Variants in NR3C2 observed in about 807,000 individuals in gnomAD.
NR3C2 encodes nuclear receptor subfamily 3 group C member 2, also known as mineralocorticoid receptor.
NR3C2 carries 15 observed loss-of-function variants against 86.4 expected under a neutral mutation model. The observed-to-expected ratio is 0.17, with a 90% CI of 0.12 to 0.27. NR3C2 has a LOEUF of 0.27. NR3C2 is among the 10% of genes least tolerant of loss of function. The pLI is 1.00. For missense variants in NR3C2, 960 were observed against 1,195.6 expected (o/e 0.80, Z 2.91); for synonymous variants, 458 against 450.5 (o/e 1.02, Z -0.21).
At chr4:148,317,799 T>C (rs1359453440) in intron 2 of NR3C2, among the ~76,000 whole-genome samples, 1 of 125,004 alleles carries the variant, frequency 8.0e-6, no homozygotes, top group Non-Finnish European at 1.6e-5. Context: ...AAATTAAGTC[T>C]ATCTCATTTT....
intron 2 of NR3C2, among the ~76,000 whole-genome samples, chr4:148,326,277 T>G (rs1442739884): frequency 6.6e-6 from 1 of 150,662 alleles, no homozygotes; most frequent in Non-Finnish European, 1.5e-5. Flanking sequence ...GGCAGGTGCC[T>G]GTAGTCCCAG....
intron 3 of NR3C2, among the ~76,000 whole-genome samples, chr4:148,240,593 G>C (rs1455503601): frequency 6.6e-6 from 1 of 152,132 alleles, no homozygotes; most frequent in Non-Finnish European, 1.5e-5. Context: ...GAAATATACA[G>C]CGACAGGGGC....
chr4:148,425,881 A>T (rs993225210), intron 2 of NR3C2, among the ~76,000 whole-genome samples: 1 of 152,120 alleles, frequency 6.6e-6, no homozygotes, highest in South Asian at 2.1e-4. Flanking sequence ...CTCAGTTTTC[A>T]TATCTGTAAA....
intron 2 of NR3C2, among the ~76,000 whole-genome samples, chr4:148,377,756 C>T (rs1163260427): frequency 1.3e-5 from 2 of 152,074 alleles, no homozygotes; most frequent in African/African-American, 4.8e-5. Context: ...GATACTTCTG[C>T]AGTAGAGTAG....
intron 3 of NR3C2, among the ~76,000 whole-genome samples, chr4:148,213,768 T>C (rs1737394865): frequency 6.6e-6 from 1 of 152,344 alleles, no homozygotes; most frequent in South Asian, 2.1e-4. Flanking sequence ...CTTTGTAATC[T>C]GATTCTGTTT....
chr4:148,284,888 C>G (rs929245853), intron 2 of NR3C2, among the ~76,000 whole-genome samples: 1 of 152,178 alleles, frequency 6.6e-6, no homozygotes, highest in African/African-American at 2.4e-5. Context: ...AAAGTCTTCT[C>G]ACTATTGGTC....
At position 148,435,338 on chromosome 4, in the gene NR3C2, A is replaced by G. The variant is rs1749991643; in HGVS notation, c.1523T>C (p.Ile508Thr). Residue 508 changes from isoleucine to threonine, a missense_variant, in exon 2 of 9, where the codon ATC (isoleucine) becomes ACC (threonine). Ile to Thr is a moderately conservative substitution (Grantham distance 89). This residue lies in a region of NR3C2 where 680 missense variants were observed against 719.0 expected (regional missense o/e 0.95). Transcript: ENST00000358102. ...CACCCCAACAATAGCAGAGGAAGGG[A>G]TGCTGGCCTCTGGGTAATAGCTCCC... ...DDGSYYPEAS[I>T]PSSAIVGVNS... 1.2e-6 allele frequency: 2 copies of G among 1,614,198 alleles called. No homozygotes were observed. The highest frequency in any genetic ancestry group is 1.7e-6 in the Non-Finnish European group (2 of 1,180,028).
In NR3C2 at chr4:148,210,181, T is replaced by TTTTTTGTTTTTG. The variant is rs531120437; in HGVS notation, c.1898-15331_1898-15320dup. Among the ~76,000 whole-genome samples, 75 of 151,990 alleles carry TTTTTTGTTTTTG rather than the reference T, an allele frequency of 4.9e-4. 2 individuals carry two copies. The East Asian group carries it at 0.014, about 29-fold the overall frequency. On this transcript the variant is annotated intron_variant, in intron 3 of 8. Coordinates refer to ENST00000358102, the MANE Select transcript of NR3C2 (RefSeq NM_000901.5). ...GTGATACTTCACTAATTTTAGGTGT[T>TTTTTTGTTTTTG]TTTTTGTTTTTGTTTTTGTTTTTTT...
Position 148,100,413 on chromosome 4 carries a change from G to T in NR3C2, c.2799+13691C>A, listed in dbSNP as rs567206679. On this transcript the variant is annotated intron_variant, in intron 8 of 8. Coordinates refer to ENST00000358102, the MANE Select transcript of NR3C2 (RefSeq NM_000901.5). ...CAAAAAATTGATAAAATGGGGCAAA[G>T]ACTTGAAAGACGTTTCTTCAAAGAA... 3.9e-5 allele frequency among the ~76,000 whole-genome samples: 6 copies of T among 152,268 alleles called. No homozygotes were observed. The East Asian group carries it at 1.2e-3, about 29-fold the overall frequency.
intron 2 of NR3C2, among the ~76,000 whole-genome samples, chr4:148,356,541 C>T (rs1010454660): frequency 2.6e-5 from 4 of 152,206 alleles, no homozygotes; most frequent in East Asian, 3.9e-4. Flanking sequence ...GTAAACGTAT[C>T]GGGAGCTTAA....
At chr4:148,174,560 C>T (rs949820974) in intron 4 of NR3C2, among the ~76,000 whole-genome samples, 4 of 152,172 alleles carry the variant, frequency 2.6e-5, no homozygotes, top group Admixed American at 1.3e-4. Flanking sequence ...GCAACCATGG[C>T]GGGAGCCTGG....
chr4:148,421,145 T>C (rs1005589959), intron 2 of NR3C2, among the ~76,000 whole-genome samples: 5 of 152,226 alleles, frequency 3.3e-5, no homozygotes, highest in Non-Finnish European at 7.3e-5. Context: ...TTAGACAATG[T>C]AGCACCTCCC....
chr4:148,128,322 G>A (rs1732846883), intron 6 of NR3C2, among the ~76,000 whole-genome samples: 1 of 152,188 alleles, frequency 6.6e-6, no homozygotes, highest in South Asian at 2.1e-4. Context: ...GCAGGTACTG[G>A]CTTACCATTC....
chr4:148,211,622 A>G lies in NR3C2; in HGVS notation c.1898-16760T>C, dbSNP rs72653873. ...ACCATGGCGTCACTGGAAGAATATT[A>G]AAGAAAGAGGGAGTTTGGTTAACAC... is the stretch of plus-strand genomic sequence containing the variant. On this transcript the variant is annotated intron_variant, in intron 3 of 8. Coordinates refer to ENST00000358102, the MANE Select transcript of NR3C2 (RefSeq NM_000901.5). Among the ~76,000 whole-genome samples, 640 of 152,338 alleles carry G rather than the reference A, an allele frequency of 4.2e-3. 6 individuals carry two copies. Among genetic ancestry groups the G allele is most frequent in the African/African-American group, 0.015 (605 of 41,576 alleles).
At chr4:148,262,920 T>C (rs1237288406) in intron 2 of NR3C2, among the ~76,000 whole-genome samples, 1 of 152,106 alleles carries the variant, frequency 6.6e-6, no homozygotes, top group African/African-American at 2.4e-5. Context: ...TTCTGATCAA[T>C]CTCCAAACAC....
intron 6 of NR3C2, among the ~76,000 whole-genome samples, chr4:148,138,386 C>G (rs1054161674): frequency 3.9e-5 from 6 of 151,972 alleles, no homozygotes; most frequent in Admixed American, 3.9e-4. Context: ...GTCTCTCTCA[C>G]CTATTTTATT....
At chr4:148,098,124 C>T (rs536171132) in intron 8 of NR3C2, among the ~76,000 whole-genome samples, 2 of 152,326 alleles carry the variant, frequency 1.3e-5, no homozygotes, top group South Asian at 2.1e-4. Flanking sequence ...TTAAACCTCT[C>T]TGCTGCAATC....
chr4:148,316,934 T>G (rs2149944630), intron 2 of NR3C2, among the ~76,000 whole-genome samples: 1 of 152,188 alleles, frequency 6.6e-6, no homozygotes, highest in African/African-American at 2.4e-5. Flanking sequence ...CCTGAGTAGC[T>G]GGGATGACAG....
chr4:148,227,994 G>A (rs1309173122), intron 3 of NR3C2, among the ~76,000 whole-genome samples: 1 of 152,150 alleles, frequency 6.6e-6, no homozygotes, highest in Non-Finnish European at 1.5e-5. Context: ...TGCTAGCTAT[G>A]CTTCTTGTTA....
Sources: gnomAD v4.1 joint callset for allele counts (sites outside exome capture counted in the v4.1 genomes callset) on GRCh38, gnomAD v4.1.1 for gene constraint, gnomAD v4.1.1 regional missense constraint, MANE v1.5 for transcripts, NCBI Gene and HGNC (gene_info 2026-07-23, HGNC 2026-07-21) for gene names.